Variants in CELF2 observed in about 807,000 individuals in gnomAD.
CELF2 encodes the protein CUG triplet repeat RNA-binding protein 2.
In CELF2, 8 loss-of-function variants were observed where a neutral mutation model predicts 62.6. The observed-to-expected ratio is 0.13, with a 90% CI of 0.07 to 0.23. The LOEUF (loss-of-function observed/expected upper bound fraction) is 0.23, where lower values mean the gene tolerates loss of function less well. Ranked by LOEUF, CELF2 falls within the 10% of genes least tolerant of loss-of-function variation. CELF2 has a pLI of 1.00. For missense variants in CELF2, 333 were observed against 671.0 expected, an observed-to-expected ratio of 0.50 and a Z score of 5.56; for synonymous variants, 258 against 250.0, an observed-to-expected ratio of 1.03 and a Z score of -0.30.
the CELF2 span, among the ~76,000 whole-genome samples, chr10:10,537,013 T>TTGCTGCTGC: frequency 1.3e-5 from 2 of 151,986 alleles, no homozygotes; most frequent in Admixed American, 6.6e-5. Flanking sequence ...CTGGATTCAC[T>TTGCTGCTGC]TGCTGCTGCT....
At chr10:10,490,829 G>A in the CELF2 span, among the ~76,000 whole-genome samples, 1 of 152,048 alleles carries the variant, frequency 6.6e-6, no homozygotes, top group African/African-American at 2.4e-5. Flanking sequence ...ATTGCCCAAG[G>A]GAGTTAATAA....
intron 2 of CELF2, among the ~76,000 whole-genome samples, chr10:10,932,092 A>T (rs1011108448): frequency 1.3e-5 from 2 of 152,188 alleles, no homozygotes; most frequent in East Asian, 1.9e-4. Context: ...ACACAGCCAG[A>T]ACATATCAGG....
the CELF2 span, among the ~76,000 whole-genome samples, chr10:10,613,337 T>C: frequency 6.6e-6 from 1 of 152,174 alleles, no homozygotes; most frequent in Non-Finnish European, 1.5e-5. Flanking sequence ...TTACATATAA[T>C]ATCCATGCAT....
chr10:10,933,926 C>T (rs1002442161), intron 2 of CELF2, among the ~76,000 whole-genome samples: 11 of 152,128 alleles, frequency 7.2e-5, no homozygotes, highest in East Asian at 1.9e-4. Flanking sequence ...TATGTCCTGA[C>T]GTATTGATTT....
the CELF2 span, among the ~76,000 whole-genome samples, chr10:10,772,390 A>G: frequency 6.6e-6 from 1 of 152,212 alleles, no homozygotes; most frequent in Non-Finnish European, 1.5e-5. Context: ...GCTTTCAATT[A>G]TTCAGTGTAA....
intron 1 of CELF2, among the ~76,000 whole-genome samples, chr10:10,800,431 A>G (rs1162731794): frequency 6.6e-6 from 1 of 152,048 alleles, no homozygotes; most frequent in Admixed American, 6.6e-5. Flanking sequence ...TGCTCACTGC[A>G]ACCTCCACCT....
the CELF2 span, among the ~76,000 whole-genome samples, chr10:10,697,764 T>C: frequency 6.6e-6 from 1 of 152,038 alleles, no homozygotes; most frequent in Non-Finnish European, 1.5e-5. Flanking sequence ...ACCCCCCCAA[T>C]ACCATCACCA....
At chr10:11,263,096 T>G (rs1027025331) in intron 5 of CELF2, among the ~76,000 whole-genome samples, 1 of 152,022 alleles carries the variant, frequency 6.6e-6, no homozygotes, top group Non-Finnish European at 1.5e-5. Context: ...ATCTTCTCTG[T>G]GACAGGGCTA....
chr10:11,144,901 A>AAG (rs2061987616), intron 1 of CELF2, among the ~76,000 whole-genome samples: 1 of 46,028 alleles, frequency 2.2e-5, no homozygotes, highest in South Asian at 1.3e-3. Flanking sequence ...CAGGAAACAG[A>AAG]AAAAAAAAAA....
At chr10:11,236,701 A>T (rs1218231126) in intron 3 of CELF2, among the ~76,000 whole-genome samples, 2 of 152,232 alleles carry the variant, frequency 1.3e-5, no homozygotes, top group African/African-American at 4.8e-5. Context: ...TTTTTAAAAA[A>T]CTACAAAAAC....
the CELF2 span, among the ~76,000 whole-genome samples, chr10:10,605,417 C>T: frequency 6.6e-6 from 1 of 152,120 alleles, no homozygotes; most frequent in South Asian, 2.1e-4. Flanking sequence ...GCACGAGTAC[C>T]CTGAAACTTA....
At chr10:10,469,416 C>T in the CELF2 span, among the ~76,000 whole-genome samples, 1 of 151,864 alleles carries the variant, frequency 6.6e-6, no homozygotes, top group African/African-American at 2.4e-5. Context: ...TAGTCTCTCA[C>T]TGTAGAGAAT....
intron 1 of CELF2, among the ~76,000 whole-genome samples, chr10:11,009,011 G>GA (rs1302624405): frequency 7.0e-6 from 1 of 143,822 alleles, no homozygotes; most frequent in Non-Finnish European, 1.5e-5. Context: ...TTTGCGGGGG[G>GA]GGGGGGGGAG....
chr10:11,161,830 G>A (rs993387170), intron 1 of CELF2, among the ~76,000 whole-genome samples: 9 of 152,158 alleles, frequency 5.9e-5, no homozygotes, highest in African/African-American at 2.2e-4. Flanking sequence ...GTCTATTCCT[G>A]TAATTACTTC....
chr10:10,914,011 T>A (rs2064093772), intron 1 of CELF2, among the ~76,000 whole-genome samples: 1 of 151,548 alleles, frequency 6.6e-6, no homozygotes, highest in South Asian at 2.1e-4. Flanking sequence ...GGGAAAAATC[T>A]GCTTGGTTGT....
At position 11,086,847 on chromosome 10, in the gene CELF2, G is replaced by A. The variant is rs190900774; in HGVS notation, c.74+68684G>A. On this transcript the variant is annotated intron_variant, in intron 1 of 12. Transcript: ENST00000633077. Reference sequence around the variant, plus strand: ...TAAAAATATATTTCTACACATTCCAGGGAAAGGTGTTTTCTTGCTTTCTTA... The same window carrying A: ...TAAAAATATATTTCTACACATTCCAAGGAAAGGTGTTTTCTTGCTTTCTTA... Among the ~76,000 whole-genome samples the A allele has an allele frequency of 3.3e-5, 5 of 152,262 alleles. No homozygotes were observed. In the East Asian group the frequency reaches 5.8e-4, roughly 18 times the overall value.
upstream of CELF2, among the ~76,000 whole-genome samples, chr10:11,015,264 A>G (rs1432624936): frequency 6.6e-6 from 1 of 151,962 alleles, no homozygotes. The surrounding 1 kb of genome is among the most constrained non-coding windows in gnomAD (Gnocchi z 4.8). Flanking sequence ...ATCGGGTGGT[A>G]TTTGGTTGGG....
chr10:11,292,299 C>T (rs2092630115), intron 9 of CELF2, among the ~76,000 whole-genome samples: 1 of 152,168 alleles, frequency 6.6e-6, no homozygotes, highest in African/African-American at 2.4e-5. Context: ...TCAGGCATTC[C>T]CTGCTCGCCT....
intron 2 of CELF2, among the ~76,000 whole-genome samples, chr10:10,965,725 C>G (rs1225762411): frequency 6.6e-6 from 1 of 152,142 alleles, no homozygotes; most frequent in East Asian, 1.9e-4. Context: ...GAACTCAATG[C>G]TAAACCCACA....
Sources: gnomAD v4.1 joint callset for allele counts (sites outside exome capture counted in the v4.1 genomes callset) on GRCh38, gnomAD v4.1.1 for gene constraint, Gnocchi (gnomAD v3.1) non-coding constraint, MANE v1.5 for transcripts, NCBI Gene and HGNC (gene_info 2026-07-23, HGNC 2026-07-21) for gene names.